The following EP400 variants were observed in gnomAD, a reference collection of about 807,000 sequenced individuals.
The protein encoded by EP400 is E1A binding protein p400.
In EP400, 105 loss-of-function variants were observed where a neutral mutation model predicts 354.1. The ratio of observed to expected loss-of-function variants is 0.30; its 90% confidence interval spans 0.25 to 0.35. The LOEUF is 0.35. Among genes scored for constraint, EP400 ranks in the 10% least tolerant of loss-of-function variants. The pLI is 1.00. For synonymous variants in EP400, 1,646 were observed against 1,716.9 expected, an observed-to-expected ratio of 0.96 and a Z score of 1.02; for missense variants, 3,280 against 4,121.0, an observed-to-expected ratio of 0.80 and a Z score of 5.59.
At chr12:132,071,471 A>G (rs764320443) in intron 51 of EP400, among the ~76,000 whole-genome samples, 4 of 152,034 alleles carry the variant, frequency 2.6e-5, no homozygotes, top group Non-Finnish European at 5.9e-5. Flanking sequence ...CCTTTAGCCT[A>G]CTTGAGAAAC....
intron 12 of EP400, among the ~76,000 whole-genome samples, chr12:131,999,979 CT>C (rs879423130): frequency 0.036 from 4,307 of 119,850 alleles, 127 homozygotes; most frequent in South Asian, 0.11. Flanking sequence ...TTGTCAGATT[CT>C]TTTTTTTTTT....
rs1480279897 is a variant in EP400, at chr12:132,078,593, G to A, written c.*920G>A. The A allele has an allele frequency of 6.6e-6, 1 of 152,310 alleles. No individual in the cohort carries two copies. Among genetic ancestry groups the A allele is most frequent in the South Asian group, 2.1e-4 (1 of 4,836 alleles). 9.4% of individuals were successfully genotyped at this position (152,310 alleles called of 1,614,324 possible). On this transcript the variant is annotated 3_prime_UTR_variant, in exon 53 of 53. Transcript: ENST00000389561. Reference sequence around the variant, plus strand: ...ATGGTAGTACAGATGTCACAGCTGAGGGTACGATGAGGCCTGGGCTCAGTG... The same window carrying A: ...ATGGTAGTACAGATGTCACAGCTGAAGGTACGATGAGGCCTGGGCTCAGTG...
chr12:131,950,360 A>T (rs577855213), intron 1 of EP400, among the ~76,000 whole-genome samples: 5 of 151,550 alleles, frequency 3.3e-5, no homozygotes, highest in African/African-American at 1.2e-4. Flanking sequence ...CGTTGCGGGA[A>T]CCGGGGGACT....
chr12:131,993,193 T>C (rs1272599287), intron 11 of EP400, among the ~76,000 whole-genome samples: 1 of 152,042 alleles, frequency 6.6e-6, no homozygotes, highest in Non-Finnish European at 1.5e-5. Flanking sequence ...CGCAGCTAAT[T>C]TTTGTATTTT....
chr12:132,060,775 G>A (rs571682712), intron 45 of EP400, among the ~76,000 whole-genome samples: 4 of 152,220 alleles, frequency 2.6e-5, no homozygotes, highest in South Asian at 2.1e-4. Context: ...TTAGCTGGGC[G>A]TGGTGGCACA....
chr12:132,051,253 T>G (rs530204328), intron 41 of EP400, among the ~76,000 whole-genome samples: 1 of 152,284 alleles, frequency 6.6e-6, no homozygotes, highest in Admixed American at 6.5e-5. Context: ...GCATCTGGTT[T>G]AGGCACTGTT....
At position 131,996,361 on chromosome 12, in the gene EP400, G is replaced by A. The variant is rs1403826847; in HGVS notation, c.2827+1405G>A. On this transcript the variant is annotated intron_variant, in intron 12 of 52. Transcript: ENST00000389561. The stretch of plus-strand genomic sequence containing the variant: ...GGCTGGAGTGCAGTGGCGTGATCTC[G>A]GCTCACTGCAAGCTCTGCCTCCTGG... Among the ~76,000 whole-genome samples, 4 of 147,424 alleles carry A rather than the reference G, an allele frequency of 2.7e-5. No homozygotes were observed. In the South Asian group the frequency reaches 8.5e-4, roughly 31 times the overall value.
intron 30 of EP400, among the ~76,000 whole-genome samples, chr12:132,032,970 G>T (rs377262454): frequency 1.1e-4 from 17 of 151,112 alleles, no homozygotes; most frequent in Non-Finnish European, 8.8e-5. Context: ...TTTTTGAGAC[G>T]GAGTTTCGCT....
Position 132,032,034 on chromosome 12 carries a change from C to T in EP400, c.5836C>T (p.Leu1946Phe), listed in dbSNP as rs1894527937. The T allele has an allele frequency of 6.2e-7, 1 of 1,614,204 alleles. No individual in the cohort carries two copies. Among genetic ancestry groups the T allele is most frequent in the East Asian group, 2.2e-5 (1 of 44,884 alleles). Residue 1946 changes from leucine to phenylalanine, a missense_variant, in exon 30 of 53, where the codon CTT becomes TTT. Leu to Phe is a conservative substitution (Grantham distance 22). Transcript: ENST00000389561. ...STHSRTTGINLVEADTVVFYD... is the reference protein window; with the variant it reads ...STHSRTTGINFVEADTVVFYD... ...TCACAGCCGTACCACAGGTATAAAC[C>T]TTGTAGAGGCGGACACCGTCGTGTT... is the stretch of plus-strand genomic sequence containing the variant.
chr12:132,013,882 G>A lies in EP400; in HGVS notation c.3892G>A (p.Ala1298Thr), dbSNP rs1566187120. ...GTGTCGCCTTTCTAACCGACAAAAAGCCTTATACGAGGACGTTATCCTGCA... is the reference window on the plus strand; with the variant it reads ...GTGTCGCCTTTCTAACCGACAAAAAACCTTATACGAGGACGTTATCCTGCA... Reference protein sequence around the residue: ...LKCRLSNRQKALYEDVILQPG... With the variant: ...LKCRLSNRQKTLYEDVILQPG... The change falls in exon 19 of 53, where the codon GCC becomes ACC. Residue 1298 changes from alanine to threonine, a missense_variant. By Grantham distance (58) the Ala-to-Thr change is moderately conservative. Coordinates refer to ENST00000389561, the MANE Select transcript of EP400 (RefSeq NM_015409.5). This position sits in a 1 kb window ranked among gnomAD's most constrained non-coding sequence, Gnocchi z 4.5. 6.2e-7 allele frequency: 1 copy of A among 1,614,260 alleles called. No homozygotes were observed. The highest frequency in any genetic ancestry group is 2.2e-5 in the East Asian group (1 of 44,888).
intron 45 of EP400, among the ~76,000 whole-genome samples, chr12:132,056,992 C>T (rs1166532391): frequency 1.3e-5 from 2 of 152,168 alleles, no homozygotes; most frequent in Non-Finnish European, 2.9e-5. Context: ...AGTGATACAC[C>T]ACCATGTGCC....
intron 12 of EP400, among the ~76,000 whole-genome samples, chr12:132,001,570 T>A (rs1893416315): frequency 6.6e-6 from 1 of 151,610 alleles, no homozygotes. Context: ...CCACAAGAGG[T>A]GGAGGAGTAG....
intron 23 of EP400, 110 bp from the exon 24 acceptor site, chr12:132,023,667 C>A: frequency 1.1e-6 from 1 of 936,296 alleles, no homozygotes; most frequent in Non-Finnish European, 1.6e-6. Flanking sequence ...TTCTGTGGTG[C>A]TTCAGTTTAT....
chr12:131,985,479 C>T (rs955840994), intron 5 of EP400, among the ~76,000 whole-genome samples: 3 of 152,242 alleles, frequency 2.0e-5, no homozygotes, highest in Admixed American at 2.0e-4. Flanking sequence ...CTCCCTTCAG[C>T]TTTTGAACGG....
At chr12:131,987,917 T>C in intron 7 of EP400, 27 bp downstream of exon 7, 1 of 1,564,354 alleles carries the variant, frequency 6.4e-7, no homozygotes, top group Non-Finnish European at 8.7e-7. Flanking sequence ...GGAGCTGCTG[T>C]GCTGTGTGCG....
intron 1 of EP400, among the ~76,000 whole-genome samples, chr12:131,956,189 A>G (rs1477687046): frequency 6.6e-6 from 1 of 151,986 alleles, no homozygotes; most frequent in South Asian, 2.1e-4. Context: ...CTGAGACTCA[A>G]CTGTGTTGTG....
Position 131,981,620 on chromosome 12 carries a change from C to T in EP400, c.1543+24C>T, listed in dbSNP as rs1892683512. ...AGGTAAGGCCCAGCAGCAGAGCCAG[C>T]TCCCCGCTCAGGAGCAGGCAGCACA... is the stretch of plus-strand genomic sequence containing the variant. On this transcript the variant is annotated intron_variant, in intron 4 of 52. Coordinates refer to ENST00000389561, the MANE Select transcript of EP400 (RefSeq NM_015409.5). The T allele has an allele frequency of 2.5e-6, 4 of 1,572,042 alleles. No homozygotes were observed. The Admixed American group carries it at 5.5e-5, about 22-fold the overall frequency.
intron 34 of EP400, 43 bp from the exon 35 acceptor site, chr12:132,044,134 C>T (rs755034382): frequency 5.6e-6 from 9 of 1,608,478 alleles, no homozygotes; most frequent in Admixed American, 5.0e-5. Flanking sequence ...CTGCTCTGAG[C>T]TGCACTCCTG....
At chr12:131,997,707 C>T (rs1468374306) in intron 12 of EP400, among the ~76,000 whole-genome samples, 1 of 150,900 alleles carries the variant, frequency 6.6e-6, no homozygotes, top group Admixed American at 6.6e-5. Context: ...TCTTCATCCT[C>T]GTCATCTTCA....
Sources: allele counts gnomAD v4.1 joint callset (sites outside exome capture counted in the v4.1 genomes callset), GRCh38; gene constraint gnomAD v4.1.1; non-coding constraint Gnocchi (gnomAD v3.1); transcripts MANE v1.5; gene names NCBI Gene and HGNC (gene_info 2026-07-23, HGNC 2026-07-21).